Variants in NCKAP5 observed in about 807,000 individuals in gnomAD.
NCKAP5 encodes the protein NCK associated protein 5, also known as nck-associated protein 5.
NCKAP5 carries 92 observed loss-of-function variants against 167.0 expected under a neutral mutation model. The observed-to-expected ratio is 0.55, with a 90% CI of 0.47 to 0.66. NCKAP5 has a LOEUF of 0.66. NCKAP5 is among the 30% of genes least tolerant of loss of function. NCKAP5 has a pLI of 0.00. For missense variants in NCKAP5, 2,378 were observed against 2,315.0 expected, an observed-to-expected ratio of 1.03 and a Z score of -0.56; for synonymous variants, 891 against 877.4, an observed-to-expected ratio of 1.02 and a Z score of -0.27.
At chr2:133,584,121 T>C in the NCKAP5 span, among the ~76,000 whole-genome samples, 1 of 152,226 alleles carries the variant, frequency 6.6e-6, no homozygotes, top group Non-Finnish European at 1.5e-5. Context: ...CTTTTATACA[T>C]GGAGGAAAAT....
At chr2:132,775,931 T>TGTA (rs1003621872) in intron 15 of NCKAP5, among the ~76,000 whole-genome samples, 150 of 152,338 alleles carry the variant, frequency 9.8e-4, no homozygotes, top group African/African-American at 3.6e-3. Flanking sequence ...CGAAACCTGT[T>TGTA]GGACTGTCAG....
At chr2:133,625,109 C>G in the NCKAP5 span, among the ~76,000 whole-genome samples, 2 of 152,154 alleles carry the variant, frequency 1.3e-5, no homozygotes, top group African/African-American at 4.8e-5. Context: ...TACATGGTTG[C>G]TATTCTGAGA....
chr2:133,161,097 T>C (rs540730384), intron 5 of NCKAP5, among the ~76,000 whole-genome samples: 3 of 152,244 alleles, frequency 2.0e-5, no homozygotes, highest in East Asian at 3.9e-4. Context: ...GCAAATCCTA[T>C]TGTGAACTGC....
At chr2:133,272,500 A>G (rs536689930) in intron 4 of NCKAP5, among the ~76,000 whole-genome samples, 1 of 152,230 alleles carries the variant, frequency 6.6e-6, no homozygotes, top group African/African-American at 2.4e-5. Flanking sequence ...ATAAAATTCA[A>G]TAATCCACGG....
chr2:133,140,593 T>C (rs533940028), intron 5 of NCKAP5, among the ~76,000 whole-genome samples: 43 of 152,278 alleles, frequency 2.8e-4, no homozygotes, highest in South Asian at 1.2e-3. Flanking sequence ...TCAACTCTGA[T>C]GTCTCTCTTA....
At position 132,705,628 on chromosome 2, in the gene NCKAP5, A is replaced by G. The variant is rs570589771; in HGVS notation, c.5713+19999T>C. On this transcript the variant is annotated intron_variant, in intron 19 of 19. Coordinates refer to ENST00000409261, the MANE Select transcript of NCKAP5 (RefSeq NM_207363.3). The stretch of plus-strand genomic sequence containing the variant: ...AAGCCCCAGTGGTATCAAATTCTGA[A>G]TCATGATGTGTTCACCTCCATGTGG... 5.3e-5 allele frequency among the ~76,000 whole-genome samples: 8 copies of G among 152,312 alleles called. No homozygotes were observed. In the East Asian group the frequency reaches 1.5e-3, roughly 29 times the overall value.
chr2:132,809,549 C>A (rs1685698704), intron 11 of NCKAP5, among the ~76,000 whole-genome samples: 2 of 152,112 alleles, frequency 1.3e-5, no homozygotes, highest in Non-Finnish European at 2.9e-5. Flanking sequence ...ACTGCCGATG[C>A]TTTAAAGCTT....
chr2:133,345,439 T>G (rs928803871), intron 3 of NCKAP5, among the ~76,000 whole-genome samples: 2 of 152,202 alleles, frequency 1.3e-5, no homozygotes, highest in Non-Finnish European at 2.9e-5. Flanking sequence ...CCTGTCAACT[T>G]GACTAGAGAA....
chr2:133,352,219 A>C (rs943921770), intron 3 of NCKAP5, among the ~76,000 whole-genome samples: 2 of 152,010 alleles, frequency 1.3e-5, no homozygotes, highest in African/African-American at 4.8e-5. Flanking sequence ...CATAACTTTC[A>C]TTACCTTCTA....
chr2:132,797,776 T>G (rs1025945359), intron 11 of NCKAP5, among the ~76,000 whole-genome samples: 1 of 152,192 alleles, frequency 6.6e-6, no homozygotes, highest in Non-Finnish European at 1.5e-5. Flanking sequence ...TGTCCCAGCA[T>G]ATCTACCATG....
intron 8 of NCKAP5, among the ~76,000 whole-genome samples, chr2:132,944,539 T>C (rs544500781): frequency 1.3e-5 from 2 of 152,312 alleles, no homozygotes; most frequent in African/African-American, 2.4e-5. Flanking sequence ...CAAGGCCACA[T>C]AGCTGGTTAG....
chr2:133,366,114 G>C (rs762556404), intron 3 of NCKAP5, among the ~76,000 whole-genome samples: 2 of 152,146 alleles, frequency 1.3e-5, no homozygotes, highest in Non-Finnish European at 2.9e-5. Context: ...GGGAAAAATA[G>C]TTTTGTGAGC....
intron 3 of NCKAP5, among the ~76,000 whole-genome samples, chr2:133,486,494 C>G (rs550658894): frequency 6.6e-6 from 1 of 152,144 alleles, no homozygotes; most frequent in South Asian, 2.1e-4. Context: ...ACCTGAAGTA[C>G]CTTCTTGGCA....
intron 8 of NCKAP5, among the ~76,000 whole-genome samples, chr2:132,920,263 T>C (rs1042221485): frequency 6.6e-6 from 1 of 152,170 alleles, no homozygotes. Flanking sequence ...CAGATAGTTA[T>C]GTGACCAAGG....
intron 4 of NCKAP5, among the ~76,000 whole-genome samples, chr2:133,298,449 A>C (rs1244230690): frequency 6.6e-6 from 1 of 152,192 alleles, no homozygotes; most frequent in Non-Finnish European, 1.5e-5. Flanking sequence ...AGAAAATTCT[A>C]AGCTCTCACT....
At chr2:133,238,354 C>T (rs1439232966) in intron 4 of NCKAP5, among the ~76,000 whole-genome samples, 1 of 152,118 alleles carries the variant, frequency 6.6e-6, no homozygotes, top group Non-Finnish European at 1.5e-5. Context: ...TGGCTTCAAG[C>T]CCAGCCTTTG....
intron 3 of NCKAP5, among the ~76,000 whole-genome samples, chr2:133,512,492 A>T (rs1683580433): frequency 6.6e-6 from 1 of 152,164 alleles, no homozygotes; most frequent in Non-Finnish European, 1.5e-5. Context: ...AAATAGCTAC[A>T]TTTGATCATG....
chr2:132,896,962 A>G (rs1693258439), intron 8 of NCKAP5, among the ~76,000 whole-genome samples: 1 of 152,138 alleles, frequency 6.6e-6, no homozygotes, highest in Non-Finnish European at 1.5e-5. Context: ...TTCCCTTCAT[A>G]ATCTTACTAG....
In NCKAP5 at chr2:132,989,454, C is replaced by T. The variant is rs547359867; in HGVS notation, c.429+4698G>A. 9.5e-4 allele frequency among the ~76,000 whole-genome samples: 144 copies of T among 152,196 alleles called. 1 individual carries two copies. Among genetic ancestry groups the T allele is most frequent in the African/African-American group, 3.2e-3 (132 of 41,512 alleles). On this transcript the variant is annotated intron_variant, in intron 7 of 19. Transcript: ENST00000409261. ...CAAAGCAGTGGGGACCCGGGAGGTG[C>T]TTTTCCTTCCTTGAGCTCCCTAAAG...
Sources: allele counts gnomAD v4.1 joint callset (sites outside exome capture counted in the v4.1 genomes callset), GRCh38; gene constraint gnomAD v4.1.1; transcripts MANE v1.5; gene names NCBI Gene and HGNC (gene_info 2026-07-23, HGNC 2026-07-21).